The following SEMA5A variants were observed in gnomAD, a reference collection of about 807,000 sequenced individuals.
SEMA5A encodes the protein semaphorin 5A.
A neutral mutation model predicts 135.5 loss-of-function variants in SEMA5A; 55 were observed. The observed-to-expected ratio is 0.41, with a 90% CI of 0.33 to 0.51. The LOEUF (loss-of-function observed/expected upper bound fraction) is 0.51. Ranked by LOEUF, SEMA5A falls within the 20% of genes least tolerant of loss-of-function variation. The pLI, the probability that SEMA5A is intolerant of heterozygous loss-of-function variation, is 0.37. For synonymous variants in SEMA5A, 580 were observed against 546.5 expected, an observed-to-expected ratio of 1.06 and a Z score of -0.85; for missense variants, 1,290 against 1,419.9, an observed-to-expected ratio of 0.91 and a Z score of 1.47.
intron 5 of SEMA5A, among the ~76,000 whole-genome samples, chr5:9,301,239 A>T (rs1305268545): frequency 6.6e-6 from 1 of 152,226 alleles, no homozygotes; most frequent in East Asian, 1.9e-4. Context: ...TTTGTATCAC[A>T]GACAACTTTC....
intron 5 of SEMA5A, among the ~76,000 whole-genome samples, chr5:9,250,654 C>T (rs369857040): frequency 1.3e-5 from 2 of 152,256 alleles, no homozygotes; most frequent in East Asian, 3.9e-4. Flanking sequence ...ACCTTTAAAA[C>T]TGTAGGAATT....
At chr5:9,174,467 T>C (rs1744098039) in intron 11 of SEMA5A, among the ~76,000 whole-genome samples, 1 of 152,262 alleles carries the variant, frequency 6.6e-6, no homozygotes, top group Non-Finnish European at 1.5e-5. Context: ...CACTCTGCTT[T>C]GTAACAACTC....
intron 8 of SEMA5A, among the ~76,000 whole-genome samples, chr5:9,222,694 T>C (rs144035737): frequency 6.6e-6 from 1 of 152,360 alleles, no homozygotes; most frequent in African/African-American, 2.4e-5. Flanking sequence ...AACAATGTTA[T>C]GCCTGAGAAG....
At chr5:9,275,043 G>C (rs1198208496) in intron 5 of SEMA5A, among the ~76,000 whole-genome samples, 2 of 151,978 alleles carry the variant, frequency 1.3e-5, no homozygotes, top group Non-Finnish European at 2.9e-5. Context: ...GAATCCAGGA[G>C]CTGGTTTATT....
intron 6 of SEMA5A, among the ~76,000 whole-genome samples, chr5:9,228,923 A>C (rs1256217751): frequency 6.6e-6 from 1 of 152,220 alleles, no homozygotes; most frequent in Non-Finnish European, 1.5e-5. Flanking sequence ...TCTACTGCAT[A>C]GCATCGAGAC....
At chr5:9,252,257 C>T (rs184565182) in intron 5 of SEMA5A, among the ~76,000 whole-genome samples, 1 of 152,264 alleles carries the variant, frequency 6.6e-6, no homozygotes, top group East Asian at 1.9e-4. Flanking sequence ...GATTTCAACC[C>T]AGTTGTTATG....
intron 1 of SEMA5A, among the ~76,000 whole-genome samples, chr5:9,463,447 T>A (rs1248876391): frequency 1.1e-4 from 16 of 146,810 alleles, no homozygotes; most frequent in Non-Finnish European, 1.5e-5. Context: ...GGCAAGTTAG[T>A]TTTTTTTTTA....
At chr5:9,106,051 G>C (rs1396833359) in intron 16 of SEMA5A, among the ~76,000 whole-genome samples, 1 of 152,120 alleles carries the variant, frequency 6.6e-6, no homozygotes, top group African/African-American at 2.4e-5. Flanking sequence ...AAAATGCATG[G>C]GAGAAGACAC....
At chr5:9,190,184 G>C in intron 11 of SEMA5A, 83 bp downstream of exon 11, 1 of 1,430,296 alleles carries the variant, frequency 7.0e-7, no homozygotes, top group Non-Finnish European at 9.6e-7. Flanking sequence ...GCTTGAAATT[G>C]AAATTGAATG....
chr5:9,543,336 A>C (rs1488675257), intron 1 of SEMA5A, among the ~76,000 whole-genome samples: 1 of 152,204 alleles, frequency 6.6e-6, no homozygotes, highest in Non-Finnish European at 1.5e-5. Flanking sequence ...CGTGGTCAAT[A>C]AGTTTTAACA....
rs1805977 is a variant in SEMA5A at position 9,255,307 on chromosome 5, T to C, written c.271-17417A>G. 9.4e-3 allele frequency among the ~76,000 whole-genome samples: 1,428 copies of C among 152,294 alleles called. 6 individuals carry two copies. The highest frequency in any genetic ancestry group is 0.013 in the Non-Finnish European group (885 of 68,016). On this transcript the variant is annotated intron_variant, in intron 5 of 22. Transcript: ENST00000382496. Reference sequence around the variant, plus strand: ...CTACAATTGCTCACACAATCATCCATCTGCATTTGTCATAGCTGGTCAACA... The same window carrying C: ...CTACAATTGCTCACACAATCATCCACCTGCATTTGTCATAGCTGGTCAACA...
chr5:9,313,960 C>A (rs1431926784), intron 5 of SEMA5A, among the ~76,000 whole-genome samples: 1 of 152,120 alleles, frequency 6.6e-6, no homozygotes, highest in Non-Finnish European at 1.5e-5. Context: ...TGGAGGTGAA[C>A]CTCTGTCCTG....
rs919179976 is a variant in SEMA5A at position 9,544,780 on chromosome 5, G to A, written c.-175+804C>T. On this transcript the variant is annotated intron_variant, in intron 1 of 22. Transcript: ENST00000382496. ...TTCCCGCCAAAGCCAGGGGAACAGGGATGTGACCGCTCCAAGCCAGGCACC... is the reference window on the plus strand; with the variant it reads ...TTCCCGCCAAAGCCAGGGGAACAGGAATGTGACCGCTCCAAGCCAGGCACC... Among the ~76,000 whole-genome samples, 6 of 152,218 alleles carry A rather than the reference G, an allele frequency of 3.9e-5. 1 individual carries two copies. Among genetic ancestry groups the A allele is most frequent in the Admixed American group, 3.3e-4 (5 of 15,288 alleles).
At chr5:9,123,474 A>C (rs1740942040) in intron 13 of SEMA5A, among the ~76,000 whole-genome samples, 2 of 151,308 alleles carry the variant, frequency 1.3e-5, no homozygotes, top group South Asian at 4.2e-4. Flanking sequence ...AAAAAGGAGA[A>C]GGAGAAGAAT....
intron 6 of SEMA5A, among the ~76,000 whole-genome samples, chr5:9,229,288 G>T (rs756593791): frequency 1.3e-5 from 2 of 152,208 alleles, no homozygotes; most frequent in Non-Finnish European, 2.9e-5. Context: ...ACTGAGAAAG[G>T]TACACCAGAG....
chr5:9,229,432 A>T (rs780016301), intron 6 of SEMA5A, among the ~76,000 whole-genome samples: 34 of 152,182 alleles, frequency 2.2e-4, no homozygotes, highest in Non-Finnish European at 4.0e-4. Flanking sequence ...TGAAGAGAAC[A>T]CAGGAGGGCC....
intron 12 of SEMA5A, among the ~76,000 whole-genome samples, chr5:9,143,117 C>T (rs1307718203): frequency 2.6e-5 from 4 of 152,112 alleles, no homozygotes; most frequent in Admixed American, 1.3e-4. Context: ...AACAAAAATA[C>T]CTATTCACAG....
In SEMA5A at chr5:9,197,766, GTGTGTGTGTGTGTGTGTGTTTT is replaced by G. The variant is rs904876461; in HGVS notation, c.933-485_933-464del. Among the ~76,000 whole-genome samples the G allele has an allele frequency of 1.9e-4, 27 of 143,348 alleles. No homozygotes were observed. The East Asian group carries it at 2.4e-3, about 13-fold the overall frequency. 94.0% of individuals were successfully genotyped at this position (143,348 alleles called of 152,430 possible). Reference sequence around the variant, plus strand: ...TGTGTGTGTGTGTGTGTGTGTGTGTGTGTGTGTGTGTGTGTGTGTTTTAACCCAGATATTTGTTTTATTTGTC... The same window carrying G: ...TGTGTGTGTGTGTGTGTGTGTGTGTGAACCCAGATATTTGTTTTATTTGTC... On this transcript the variant is annotated intron_variant, in intron 9 of 22. Transcript: ENST00000382496.
chr5:9,287,821 A>G (rs969654523), intron 5 of SEMA5A, among the ~76,000 whole-genome samples: 2 of 152,074 alleles, frequency 1.3e-5, no homozygotes, highest in South Asian at 2.1e-4. Context: ...AAATGTTTGC[A>G]AAGTCTTGCT....
Sources: allele counts gnomAD v4.1 joint callset (sites outside exome capture counted in the v4.1 genomes callset), GRCh38; gene constraint gnomAD v4.1.1; transcripts MANE v1.5; gene names NCBI Gene and HGNC (gene_info 2026-07-23, HGNC 2026-07-21).